The following PMFBP1 variants were observed in gnomAD, a reference collection of about 807,000 sequenced individuals.
The protein encoded by PMFBP1 is polyamine modulated factor 1 binding protein 1.
A neutral mutation model predicts 137.8 loss-of-function variants in PMFBP1; 131 were observed. The observed-to-expected ratio is 0.95, with a 90% CI of 0.82 to 1.10. The LOEUF (loss-of-function observed/expected upper bound fraction) is 1.10, where lower values mean the gene tolerates loss of function less well. Among genes scored for constraint, PMFBP1 ranks in the 50% least tolerant of loss-of-function variants. The pLI, the probability that PMFBP1 is intolerant of heterozygous loss-of-function variation, is 0.00. For missense variants in PMFBP1, 1,199 were observed against 1,175.4 expected, an observed-to-expected ratio of 1.02 and a Z score of -0.29; for synonymous variants, 490 against 450.4, an observed-to-expected ratio of 1.09 and a Z score of -1.11.
chr16:72,139,648 C>T (rs943548623), intron 6 of PMFBP1, among the ~76,000 whole-genome samples: 7 of 152,224 alleles, frequency 4.6e-5, no homozygotes, highest in East Asian at 3.9e-4. Context: ...CCTAAACCTC[C>T]GTTTGGTCCA....
chr16:72,184,658 A>G, the PMFBP1 span, among the ~76,000 whole-genome samples: 1 of 152,198 alleles, frequency 6.6e-6, no homozygotes, highest in Non-Finnish European at 1.5e-5. Flanking sequence ...AAGTAGCCCA[A>G]CTCTGGAATT....
At chr16:72,183,959 C>T in the PMFBP1 span, among the ~76,000 whole-genome samples, 7 of 152,124 alleles carry the variant, frequency 4.6e-5, no homozygotes, top group Non-Finnish European at 8.8e-5. Context: ...TCCAGGGGGC[C>T]CTTTTTGGTC....
At chr16:72,154,609 A>C in intron 3 of PMFBP1, 150 bp from the exon 4 acceptor site, 1 of 941,150 alleles carries the variant, frequency 1.1e-6, no homozygotes, top group East Asian at 2.6e-5. Flanking sequence ...TAAACATTTC[A>C]CTCTATTCAC....
upstream of PMFBP1, among the ~76,000 whole-genome samples, chr16:72,179,939 C>A (rs189122189): frequency 3.4e-4 from 52 of 152,330 alleles, no homozygotes; most frequent in East Asian, 8.9e-3. Flanking sequence ...TGGCACCAAA[C>A]CACATCTCCT....
the PMFBP1 span, among the ~76,000 whole-genome samples, chr16:72,221,652 G>A: frequency 2.0e-5 from 3 of 152,088 alleles, no homozygotes; most frequent in Admixed American, 6.5e-5. Flanking sequence ...AAGGATGAAG[G>A]GGGAGAGAAA....
At chr16:72,135,373 TTTTTTG>T (rs945885921) in intron 9 of PMFBP1, among the ~76,000 whole-genome samples, 1 of 148,752 alleles carries the variant, frequency 6.7e-6, no homozygotes, top group Non-Finnish European at 1.5e-5. Flanking sequence ...TTTTTTTTTT[TTTTTTG>T]TTGTTGTTGT....
the PMFBP1 span, among the ~76,000 whole-genome samples, chr16:72,208,920 T>C: frequency 6.6e-6 from 1 of 152,210 alleles, no homozygotes; most frequent in Non-Finnish European, 1.5e-5. Context: ...AGTGCAATGA[T>C]CACAATGGAG....
chr16:72,154,682 G>T (rs2042955822), intron 3 of PMFBP1, among the ~76,000 whole-genome samples: 1 of 152,074 alleles, frequency 6.6e-6, no homozygotes, highest in Non-Finnish European at 1.5e-5. Flanking sequence ...AAAAAAAATG[G>T]TTCTTATCTA....
chr16:72,201,395 T>A, the PMFBP1 span, among the ~76,000 whole-genome samples: 1 of 152,246 alleles, frequency 6.6e-6, no homozygotes, highest in Admixed American at 6.5e-5. Context: ...TACATTTTCC[T>A]CATTCCCAAC....
the PMFBP1 span, among the ~76,000 whole-genome samples, chr16:72,182,035 C>T: frequency 3.3e-5 from 5 of 152,330 alleles, no homozygotes; most frequent in African/African-American, 7.2e-5. Flanking sequence ...GGGCCACATT[C>T]GGAGCTGTCT....
intron 9 of PMFBP1, among the ~76,000 whole-genome samples, chr16:72,135,359 GTT>G (rs869071984): frequency 3.8e-5 from 5 of 131,424 alleles, no homozygotes; most frequent in East Asian, 2.2e-4. Flanking sequence ...GTGTGTGTGT[GTT>G]TTTTTTTTTT....
intron 3 of PMFBP1, among the ~76,000 whole-genome samples, chr16:72,160,923 G>C (rs949053595): frequency 1.3e-5 from 2 of 152,124 alleles, no homozygotes; most frequent in African/African-American, 4.8e-5. Flanking sequence ...TTTGGCTTTT[G>C]AATCAGTTTC....
At chr16:72,206,593 G>C in the PMFBP1 span, among the ~76,000 whole-genome samples, 1 of 152,210 alleles carries the variant, frequency 6.6e-6, no homozygotes, top group East Asian at 1.9e-4. Flanking sequence ...CCATATTGCA[G>C]ATGATGGAGC....
Position 72,130,731 on chromosome 16 carries a change from G to T in PMFBP1, c.1448-9C>A, listed in dbSNP as rs1378064352. 6.2e-7 allele frequency: 1 copy of T among 1,604,860 alleles called. No individual in the cohort carries two copies. ...CTGGGCTGCTTGCTGAGCTGCAGAAGCAGGGAGATGGCCATGTGAGAAGGG... is the reference window on the plus strand; with the variant it reads ...CTGGGCTGCTTGCTGAGCTGCAGAATCAGGGAGATGGCCATGTGAGAAGGG... On this transcript the variant is annotated splice_polypyrimidine_tract_variant and intron_variant, in intron 10 of 20. Transcript: ENST00000237353.
intron 20 of PMFBP1, chr16:72,119,626 T>G (rs2042346377): frequency 1.4e-6 from 2 of 1,444,374 alleles, no homozygotes; most frequent in South Asian, 3.0e-5. Flanking sequence ...GGGGCAGGTC[T>G]GAGATGTGAG....
the PMFBP1 span, among the ~76,000 whole-genome samples, chr16:72,249,137 T>G: frequency 6.6e-6 from 1 of 152,168 alleles, no homozygotes. Context: ...TGGAATCTAT[T>G]AAGAAGGATT....
intron 18 of PMFBP1, 116 bp from the exon 19 acceptor site, chr16:72,123,104 C>T: frequency 1.2e-6 from 1 of 851,628 alleles, no homozygotes; most frequent in South Asian, 1.6e-5. Flanking sequence ...CATCCCACGT[C>T]CCCCACGCAT....
At chr16:72,187,587 G>C in the PMFBP1 span, among the ~76,000 whole-genome samples, 21 of 152,150 alleles carry the variant, frequency 1.4e-4, no homozygotes, top group African/African-American at 4.8e-4. Flanking sequence ...TTTTCCTATA[G>C]CGGTTCTTCA....
chr16:72,186,761 GTATAT>G, the PMFBP1 span, among the ~76,000 whole-genome samples: 2 of 152,152 alleles, frequency 1.3e-5, no homozygotes, highest in Non-Finnish European at 2.9e-5. Flanking sequence ...CACTGTAACA[GTATAT>G]TATATCCAAA....
Sources: allele counts gnomAD v4.1 joint callset (sites outside exome capture counted in the v4.1 genomes callset), GRCh38; gene constraint gnomAD v4.1.1; transcripts MANE v1.5; gene names NCBI Gene and HGNC (gene_info 2026-07-23, HGNC 2026-07-21).